Variants in ABCG1 observed in about 807,000 individuals in gnomAD.
The protein encoded by ABCG1 is ATP binding cassette subfamily G member 1.
In ABCG1, 29 loss-of-function variants were observed where a neutral mutation model predicts 69.2. The observed-to-expected ratio is 0.42, with a 90% CI of 0.31 to 0.57. ABCG1 has a LOEUF of 0.57. Ranked by LOEUF, ABCG1 falls within the 20% of genes least tolerant of loss-of-function variation. The pLI is 0.15. For missense variants in ABCG1, 718 were observed against 898.1 expected (o/e 0.80, Z 2.56); for synonymous variants, 370 against 374.8 (o/e 0.99, Z 0.15).
rs570892579 is a variant in ABCG1 at position 42,229,901 on chromosome 21, C to T, written c.286+3987C>T. On this transcript the variant is annotated intron_variant, in intron 2 of 14. Coordinates refer to ENST00000398449, the MANE Select transcript of ABCG1 (RefSeq NM_016818.3). Reference sequence around the variant, plus strand: ...CCATTACAAAGACACTGGACCACTCCGGTTGTTTCCAGGAAAGACTTTTTC... The same window carrying T: ...CCATTACAAAGACACTGGACCACTCTGGTTGTTTCCAGGAAAGACTTTTTC... Among the ~76,000 whole-genome samples the T allele has an allele frequency of 7.6e-4, 116 of 152,298 alleles. No individual in the cohort carries two copies. The South Asian group carries it at 9.9e-3, about 13-fold the overall frequency.
intron 2 of ABCG1, among the ~76,000 whole-genome samples, chr21:42,245,560 GGAA>G (rs1247312539): frequency 6.6e-6 from 1 of 152,232 alleles, no homozygotes; most frequent in African/African-American, 2.4e-5. Flanking sequence ...CACGGGGACA[GGAA>G]GAAGAAGGAC....
In ABCG1 at chr21:42,273,738, C is replaced by T. The variant is rs2068660000; in HGVS notation, c.537+303C>T. Among the ~76,000 whole-genome samples, 1 of 152,134 alleles carries T rather than the reference C, an allele frequency of 6.6e-6. No homozygotes were observed. The highest frequency in any genetic ancestry group is 6.5e-5 in the Admixed American group (1 of 15,268). The stretch of plus-strand genomic sequence containing the variant: ...CTTGGGTGATCCTCTCCAGGGCAGC[C>T]ACCATACTATTTCTCCTGCAGGCCA... On this transcript the variant is annotated intron_variant, in intron 4 of 14. Transcript: ENST00000398449. This position sits in a 1 kb window ranked among gnomAD's most constrained non-coding sequence, Gnocchi z 5.3.
At chr21:42,201,948 C>A (rs1385227193) in intron 2 of ABCG1, among the ~76,000 whole-genome samples, 3 of 152,194 alleles carry the variant, frequency 2.0e-5, no homozygotes, top group African/African-American at 7.2e-5. Flanking sequence ...CCTCCAGGTG[C>A]CCCACCCTGG....
At chr21:42,246,243 G>A (rs2123623888) in intron 2 of ABCG1, among the ~76,000 whole-genome samples, 1 of 152,346 alleles carries the variant, frequency 6.6e-6, no homozygotes, top group African/African-American at 2.4e-5. Context: ...TACAGAGGCT[G>A]TAGATATAAA....
chr21:42,211,792 G>A (rs943383633), upstream of ABCG1, among the ~76,000 whole-genome samples: 2 of 152,140 alleles, frequency 1.3e-5, no homozygotes, highest in African/African-American at 4.8e-5. Context: ...AGGAGGCTGA[G>A]GCAGGAGAAT....
intron 2 of ABCG1, among the ~76,000 whole-genome samples, chr21:42,231,987 C>T (rs1403687982): frequency 6.6e-6 from 1 of 152,178 alleles, no homozygotes; most frequent in Admixed American, 6.5e-5. Flanking sequence ...TTGGAGAATT[C>T]AGAGGACTGG....
At chr21:42,221,588 T>C (rs1219120017) in intron 1 of ABCG1, among the ~76,000 whole-genome samples, 1 of 152,182 alleles carries the variant, frequency 6.6e-6, no homozygotes, top group Non-Finnish European at 1.5e-5. Context: ...TGCGGTCTGG[T>C]CTCTGGCTCA....
At position 42,288,708 on chromosome 21, in the gene ABCG1, G is replaced by GA; in HGVS notation, c.1224+401dup. On this transcript the variant is annotated intron_variant, in intron 10 of 14. Coordinates refer to ENST00000398449, the MANE Select transcript of ABCG1 (RefSeq NM_016818.3). The surrounding 1 kb of genome is among the most constrained non-coding windows in gnomAD (Gnocchi z 4.8). The stretch of plus-strand genomic sequence containing the variant: ...GGGTGACAGAGAGAGACTCCCATCT[G>GA]AAAAAGAAAGAAAGGAAAGAAAGGA... 6.6e-6 allele frequency among the ~76,000 whole-genome samples: 1 copy of GA among 150,632 alleles called. No individual in the cohort carries two copies. Among genetic ancestry groups the GA allele is most frequent in the African/African-American group, 2.4e-5 (1 of 40,820 alleles).
chr21:42,213,946 A>C (rs1463512770), upstream of ABCG1, among the ~76,000 whole-genome samples: 1 of 152,162 alleles, frequency 6.6e-6, no homozygotes, highest in East Asian at 1.9e-4. Flanking sequence ...CATCTGATTT[A>C]AATTATGTGT....
rs2234716 is a variant in ABCG1, at chr21:42,219,222, C to CCCGCCGCCGCCGCCGCCGCCGCCG, written c.-32_-9dup. On this transcript the variant is annotated 5_prime_UTR_variant, in exon 1 of 15. Coordinates refer to ENST00000398449, the MANE Select transcript of ABCG1 (RefSeq NM_016818.3). The surrounding 1 kb of genome is among the most constrained non-coding windows in gnomAD (Gnocchi z 5.3). ...TCGGCCCCGCAGCTCAAGCCTCGTC[C>CCCGCCGCCGCCGCCGCCGCCGCCG]CCGCCGCCGCCGCCGCCGCCGCCGC... 13 of 1,474,078 alleles carry CCCGCCGCCGCCGCCGCCGCCGCCG rather than the reference C, an allele frequency of 8.8e-6. No individual in the cohort carries two copies. The African/African-American group carries it at 1.6e-4, about 18-fold the overall frequency. The allele number at this position is 1,474,078 out of a possible 1,614,324, so 91.3% of individuals were successfully genotyped here.
Position 42,291,005 on chromosome 21 carries a change from G to C in ABCG1, c.1394-87G>C. 1.0e-6 allele frequency: 1 copy of C among 970,906 alleles called. No individual in the cohort carries two copies. The highest frequency in any genetic ancestry group is 1.6e-6 in the Non-Finnish European group (1 of 616,446). 60.1% of individuals were successfully genotyped at this position (970,906 alleles called of 1,614,324 possible). On this transcript the variant is annotated intron_variant, in intron 11 of 14. Transcript: ENST00000398449. The surrounding 1 kb of genome is among the most constrained non-coding windows in gnomAD (Gnocchi z 6.4). ...CTAGGCCAGAGCTGGGTTACCAGCC[G>C]CTCAGCTCAAGATCGCCTGTTGGGA... is the stretch of plus-strand genomic sequence containing the variant.
At chr21:42,254,586 A>G (rs1200354968) in intron 2 of ABCG1, among the ~76,000 whole-genome samples, 3 of 152,252 alleles carry the variant, frequency 2.0e-5, no homozygotes, top group East Asian at 3.8e-4. Flanking sequence ...CAGAAGGTGC[A>G]AAAAGCAAGA....
rs2068647688 is a variant in ABCG1 at position 42,273,227 on chromosome 21, C to T, written c.405-76C>T. 46 of 1,534,042 alleles carry T rather than the reference C, an allele frequency of 3.0e-5. No homozygotes were observed. In the South Asian group the frequency reaches 5.6e-4, roughly 19 times the overall value. On this transcript the variant is annotated intron_variant, in intron 3 of 14. Coordinates refer to ENST00000398449, the MANE Select transcript of ABCG1 (RefSeq NM_016818.3). This position sits in a 1 kb window ranked among gnomAD's most constrained non-coding sequence, Gnocchi z 5.3. ...CTGGGAGGCAAGCCCCCGTCTCTGG[C>T]TCCCCTCTCCTGCCCCGGGAGGTGG...
At chr21:42,256,860 C>T (rs1046281439) in intron 2 of ABCG1, among the ~76,000 whole-genome samples, 7 of 152,348 alleles carry the variant, frequency 4.6e-5, no homozygotes, top group African/African-American at 1.4e-4. Flanking sequence ...TCTTAATTCA[C>T]GTGGCTATGT....
rs1242875545 is a variant in ABCG1, at chr21:42,287,763, A to T, written c.974-126A>T. ...TAAATGATTTTGACGTCATGCCATT[A>T]GCACCGCCACGCAGCATCTATGTAA... On this transcript the variant is annotated intron_variant, in intron 8 of 14. Coordinates refer to ENST00000398449, the MANE Select transcript of ABCG1 (RefSeq NM_016818.3). The surrounding 1 kb of genome is among the most constrained non-coding windows in gnomAD (Gnocchi z 6.2). The T allele has an allele frequency of 3.1e-6, 3 of 969,298 alleles. No individual in the cohort carries two copies. Among genetic ancestry groups the T allele is most frequent in the Non-Finnish European group, 4.5e-6 (3 of 664,230 alleles). 60.0% of individuals were successfully genotyped at this position (969,298 alleles called of 1,614,324 possible).
intron 2 of ABCG1, among the ~76,000 whole-genome samples, chr21:42,210,772 C>T (rs2123472330): frequency 6.6e-6 from 1 of 152,194 alleles, no homozygotes; most frequent in South Asian, 2.1e-4. Context: ...CATGGCCCCT[C>T]CTTTGCACTG....
At chr21:42,220,303 G>A (rs1235132606) in intron 1 of ABCG1, among the ~76,000 whole-genome samples, 1 of 152,158 alleles carries the variant, frequency 6.6e-6, no homozygotes, top group Non-Finnish European at 1.5e-5. Context: ...ACAGTGCATG[G>A]CACGCTCCGG....
At position 42,285,869 on chromosome 21, in the gene ABCG1, CT is replaced by C; in HGVS notation, c.859-5del. Reference sequence around the variant, plus strand: ...AGGGCTTGATCCCTTTTTCTCCTTCCTTTTTTCCAGCTTTACGTCCTGAGTC... The same window carrying C: ...AGGGCTTGATCCCTTTTTCTCCTTCCTTTTTCCAGCTTTACGTCCTGAGTC... On this transcript the variant is annotated splice_polypyrimidine_tract_variant and intron_variant, in intron 7 of 14. Coordinates refer to ENST00000398449, the MANE Select transcript of ABCG1 (RefSeq NM_016818.3). 1.9e-6 allele frequency: 3 copies of C among 1,603,688 alleles called. No individual in the cohort carries two copies. Among genetic ancestry groups the C allele is most frequent in the Non-Finnish European group, 2.6e-6 (3 of 1,170,980 alleles).
At chr21:42,220,715 C>T (rs950608483) in intron 1 of ABCG1, among the ~76,000 whole-genome samples, 3 of 152,378 alleles carry the variant, frequency 2.0e-5, no homozygotes, top group Non-Finnish European at 2.9e-5. Context: ...CTCCCGGTGA[C>T]ACTTGCTTTT....
Sources: gnomAD v4.1 joint callset for allele counts (sites outside exome capture counted in the v4.1 genomes callset) on GRCh38, gnomAD v4.1.1 for gene constraint, Gnocchi (gnomAD v3.1) non-coding constraint, MANE v1.5 for transcripts, NCBI Gene and HGNC (gene_info 2026-07-23, HGNC 2026-07-21) for gene names.